Variants in HEATR4 observed in about 807,000 individuals in gnomAD.
The protein encoded by HEATR4 is HEAT repeat-containing protein 4.
A neutral mutation model predicts 108.8 loss-of-function variants in HEATR4; 95 were observed. That is an observed-to-expected ratio of 0.87 (90% CI 0.74 to 1.04). The LOEUF (loss-of-function observed/expected upper bound fraction) is 1.04, where lower values mean the gene tolerates loss of function less well. Ranked by LOEUF, HEATR4 falls within the 50% of genes least tolerant of loss-of-function variation. The pLI is 0.00. For missense variants in HEATR4, 1,152 were observed against 1,253.8 expected, an observed-to-expected ratio of 0.92 and a Z score of 1.23; for synonymous variants, 443 against 459.4, an observed-to-expected ratio of 0.96 and a Z score of 0.46.
chr14:73,495,081 T>C, intron 16 of HEATR4, 147 bp downstream of exon 16: 1 of 582,772 alleles, frequency 1.7e-6, no homozygotes. Context: ...ACACAAAGAC[T>C]GAGTGGATGG....
At chr14:73,537,634 C>A in intron 1 of HEATR4, 1 of 1,224,770 alleles carries the variant, frequency 8.2e-7, no homozygotes. Flanking sequence ...TGGGCGGCAG[C>A]TTCGCGGGGC....
chr14:73,515,157 A>G (rs1409212330), intron 5 of HEATR4, among the ~76,000 whole-genome samples: 2 of 152,242 alleles, frequency 1.3e-5, no homozygotes, highest in Non-Finnish European at 2.9e-5. Context: ...TCTTTCTCAG[A>G]AAAAAAGCTC....
At chr14:73,597,600 T>TTC in the HEATR4 span, among the ~76,000 whole-genome samples, 1 of 144,504 alleles carries the variant, frequency 6.9e-6, no homozygotes, top group Non-Finnish European at 1.5e-5. Flanking sequence ...TCTTTTTTTT[T>TTC]TTTTTTTTTT....
At chr14:73,501,356 A>G (rs901771876) in intron 11 of HEATR4, among the ~76,000 whole-genome samples, 1 of 151,626 alleles carries the variant, frequency 6.6e-6, no homozygotes, top group East Asian at 1.9e-4. Flanking sequence ...TGATCTCCTG[A>G]CCTCGTGATC....
the HEATR4 span, among the ~76,000 whole-genome samples, chr14:73,568,363 AC>A: frequency 1.3e-5 from 2 of 151,428 alleles, no homozygotes; most frequent in African/African-American, 4.9e-5. Flanking sequence ...AAAAAAAAAA[AC>A]ACCACACCTC....
At chr14:73,584,981 A>C in the HEATR4 span, among the ~76,000 whole-genome samples, 7 of 151,564 alleles carry the variant, frequency 4.6e-5, no homozygotes, top group African/African-American at 1.7e-4. Flanking sequence ...CCAGCCTGGC[A>C]GTTTGTCAAC....
At chr14:73,595,197 G>A in the HEATR4 span, 2 of 1,614,228 alleles carry the variant, frequency 1.2e-6, no homozygotes, top group Middle Eastern at 3.3e-4. Context: ...TATAAGCACA[G>A]TAGCATTCCA....
the HEATR4 span, chr14:73,619,699 G>T: frequency 1.2e-6 from 2 of 1,614,140 alleles, no homozygotes; most frequent in African/African-American, 1.3e-5. Context: ...TTCTGTGCAC[G>T]CTGTTTTGGG....
intron 3 of HEATR4, 119 bp from the exon 4 acceptor site, chr14:73,521,158 A>G (rs1488018659): frequency 2.4e-6 from 2 of 817,928 alleles, no homozygotes; most frequent in Non-Finnish European, 3.9e-6. Flanking sequence ...ACACGTGAGC[A>G]TTGCAGAACA....
chr14:73,621,205 C>T, the HEATR4 span, among the ~76,000 whole-genome samples: 1 of 146,032 alleles, frequency 6.8e-6, no homozygotes, highest in Non-Finnish European at 1.5e-5. Flanking sequence ...AAGAGCAAAA[C>T]TCTGTCTCAA....
chr14:73,551,685 G>A lies in HEATR4; in HGVS notation c.-152+7066C>T, dbSNP rs376308881. On this transcript the variant is annotated intron_variant, in intron 1 of 17. Coordinates refer to ENST00000553558, the MANE Select transcript of HEATR4 (RefSeq NM_001220484.1). Reference sequence around the variant, plus strand: ...TAGCCGGGTGTGGTGGTGCGCACCTGTAGTCCCAGCTACTCAGGAGGCTGA... The same window carrying A: ...TAGCCGGGTGTGGTGGTGCGCACCTATAGTCCCAGCTACTCAGGAGGCTGA... Among the ~76,000 whole-genome samples the A allele has an allele frequency of 1.8e-5, 2 of 111,012 alleles. 1 individual carries two copies. The allele number at this position is 111,012 out of a possible 152,430, so 72.8% of individuals were successfully genotyped here. A position where few individuals can be genotyped will look rare whatever the true frequency, so the allele number is the denominator to read the frequency against.
rs573484445 is a variant in HEATR4 at position 73,524,082 on chromosome 14, G to A, written c.-72-858C>T. Among the ~76,000 whole-genome samples, 4 of 151,920 alleles carry A rather than the reference G, an allele frequency of 2.6e-5. No individual in the cohort carries two copies. The South Asian group carries it at 8.3e-4, about 32-fold the overall frequency. On this transcript the variant is annotated intron_variant, in intron 2 of 17. Coordinates refer to ENST00000553558, the MANE Select transcript of HEATR4 (RefSeq NM_001220484.1). ...GAGGTGGGTGGGTCACCTGAGGTCT[G>A]GAGTTTGAGACCAGCCTGGCCAACA...
intron 4 of HEATR4, 79 bp from the exon 5 acceptor site, chr14:73,519,242 C>A: frequency 6.9e-7 from 1 of 1,439,220 alleles, no homozygotes; most frequent in Middle Eastern, 1.8e-4. Context: ...TCACCAGGAT[C>A]AGACCCAACT....
At chr14:73,627,622 C>T in the HEATR4 span, among the ~76,000 whole-genome samples, 2 of 152,090 alleles carry the variant, frequency 1.3e-5, no homozygotes, top group Admixed American at 6.6e-5. Context: ...CATGTCCTCC[C>T]GGGCATGTCA....
chr14:73,593,336 C>CTTTT, the HEATR4 span, among the ~76,000 whole-genome samples: 232 of 104,820 alleles, frequency 2.2e-3, no homozygotes, highest in Non-Finnish European at 3.0e-3. Flanking sequence ...TTCTTTCTTT[C>CTTTT]TTTTTTTTTT....
At position 73,522,396 on chromosome 14, in the gene HEATR4, C is replaced by G. The variant is rs759286643; in HGVS notation, c.757G>C (p.Ala253Pro). ...WSHIRDELTS[A>P]SDLELLKQLE... ...TGTTTCAGGAGCTCCAGGTCACTGGCAGAGGTAAGCTCATCCCGAATGTGA... is the reference window on the plus strand; with the variant it reads ...TGTTTCAGGAGCTCCAGGTCACTGGGAGAGGTAAGCTCATCCCGAATGTGA... Residue 253 changes from alanine to proline, a missense_variant, in exon 3 of 18, where the codon GCC (alanine) becomes CCC (proline). Transcript: ENST00000553558. 2.7e-5 allele frequency: 44 copies of G among 1,614,132 alleles called. No homozygotes were observed. The South Asian group carries it at 4.5e-4, about 17-fold the overall frequency.
intron 17 of HEATR4, among the ~76,000 whole-genome samples, chr14:73,479,863 C>A (rs1885178414): frequency 6.6e-6 from 1 of 152,150 alleles, no homozygotes; most frequent in African/African-American, 2.4e-5. Context: ...GCGTGAGCCA[C>A]CATGCCCAGA....
At chr14:73,491,219 G>A in intron 17 of HEATR4, 1 of 1,594,544 alleles carries the variant, frequency 6.3e-7, no homozygotes, top group Non-Finnish European at 8.6e-7. Context: ...GGAATCGAGG[G>A]TGGAGTCGAC....
At chr14:73,615,747 A>G in the HEATR4 span, among the ~76,000 whole-genome samples, 2 of 151,814 alleles carry the variant, frequency 1.3e-5, no homozygotes, top group African/African-American at 4.8e-5. Context: ...AAACAAACAA[A>G]CAAACAAACA....
Sources: gnomAD v4.1 joint callset for allele counts (sites outside exome capture counted in the v4.1 genomes callset) on GRCh38, gnomAD v4.1.1 for gene constraint, MANE v1.5 for transcripts, NCBI Gene and HGNC (gene_info 2026-07-23, HGNC 2026-07-21) for gene names.